The following CABIN1 variants were observed in gnomAD, a reference collection of about 807,000 sequenced individuals.
The protein encoded by CABIN1 is calcineurin binding protein 1.
A neutral mutation model predicts 227.7 loss-of-function variants in CABIN1; 133 were observed. The observed-to-expected ratio is 0.58, with a 90% CI of 0.51 to 0.67. The LOEUF (loss-of-function observed/expected upper bound fraction) is 0.67. CABIN1 is among the 30% of genes least tolerant of loss of function. The probability of loss-of-function intolerance (pLI) is 0.00; values close to 1 mark genes in which losing one functional copy is unlikely to be tolerated. For missense variants in CABIN1, 2,408 were observed against 2,852.5 expected, an observed-to-expected ratio of 0.84 and a Z score of 3.55; for synonymous variants, 1,086 against 1,155.1, an observed-to-expected ratio of 0.94 and a Z score of 1.21.
chr22:24,098,430 A>G, intron 26 of CABIN1: 1 of 756,942 alleles, frequency 1.3e-6, no homozygotes, highest in South Asian at 1.7e-5. Context: ...GGGAGGGGGC[A>G]GGCCAGGCTA....
intron 17 of CABIN1, 82 bp from the exon 18 acceptor site, chr22:24,072,272 G>T: frequency 1.3e-6 from 2 of 1,505,690 alleles, no homozygotes; most frequent in South Asian, 1.2e-5. Flanking sequence ...AGCTCCCCAA[G>T]AGGCCTCCTG....
intron 29 of CABIN1, chr22:24,155,923 T>C (rs2045759945): frequency 6.0e-6 from 3 of 501,114 alleles, no homozygotes; most frequent in South Asian, 2.6e-5. Flanking sequence ...TCAGTTGCGC[T>C]CCTGGGCCCG....
chr22:24,125,190 G>A (rs1163706223), intron 28 of CABIN1, among the ~76,000 whole-genome samples: 1 of 152,204 alleles, frequency 6.6e-6, no homozygotes. Context: ...GATGAGCCCA[G>A]GCCCAGGGTT....
rs771733402 is a variant in CABIN1 at position 24,167,155 on chromosome 22, C to G, written c.5524C>G (p.Arg1842Gly). The G allele has an allele frequency of 3.1e-6, 5 of 1,605,182 alleles. No individual in the cohort carries two copies. In the Admixed American group the frequency reaches 6.8e-5, roughly 22 times the overall value. The change falls in exon 32 of 37, where the codon CGG becomes GGG. Residue 1842 changes from arginine (R) to glycine (G), a missense_variant. Arg to Gly is a moderately radical substitution (Grantham distance 125, BLOSUM62 -2). Coordinates refer to ENST00000263119, the MANE Select transcript of CABIN1 (RefSeq NM_012295.4). Reference sequence around the variant, plus strand: ...GGGCCACCCGGAGGAGCCGCTCTCCCGGCTCAGCCGCAAGAGGAAGCTCCT... The same window carrying G: ...GGGCCACCCGGAGGAGCCGCTCTCCGGGCTCAGCCGCAAGAGGAAGCTCCT... Reference protein sequence around the residue: ...AGGHPEEPLSRLSRKRKLLED... With the variant: ...AGGHPEEPLSGLSRKRKLLED...
chr22:24,171,599 C>T, intron 33 of CABIN1, 114 bp from the exon 34 acceptor site: 2 of 1,265,568 alleles, frequency 1.6e-6, no homozygotes, highest in Non-Finnish European at 2.3e-6. Flanking sequence ...GCAGTGTTGG[C>T]AGCCCCAGGC....
At chr22:24,087,370 C>T in intron 22 of CABIN1, 82 bp from the exon 23 acceptor site, 1 of 1,574,132 alleles carries the variant, frequency 6.4e-7, no homozygotes, top group Non-Finnish European at 8.6e-7. Context: ...TGGGGTCCAT[C>T]TGCCTGTCCA....
intron 23 of CABIN1, among the ~76,000 whole-genome samples, chr22:24,088,146 GGTCTCT>G (rs1157386867): frequency 5.3e-5 from 8 of 152,280 alleles, no homozygotes; most frequent in Admixed American, 5.2e-4. Context: ...CTGGCCCTTA[GGTCTCT>G]GTTCAGTAGG....
At position 24,151,398 on chromosome 22, in the gene CABIN1, A is replaced by T. The variant is rs552182638; in HGVS notation, c.4747-13002A>T. The stretch of plus-strand genomic sequence containing the variant: ...CTTGCAGCCTAGCCAGAGGAGCCAG[A>T]TCCCCACAAGCCCACAAAAGCCATT... On this transcript the variant is annotated intron_variant, in intron 29 of 36. Coordinates refer to ENST00000263119, the MANE Select transcript of CABIN1 (RefSeq NM_012295.4). Among the ~76,000 whole-genome samples the T allele has an allele frequency of 3.5e-4, 54 of 152,204 alleles. 1 individual carries two copies. The South Asian group carries it at 0.011, about 32-fold the overall frequency.
intron 3 of CABIN1, 36 bp from the exon 4 acceptor site, chr22:24,038,312 A>T: frequency 6.5e-7 from 1 of 1,532,740 alleles, no homozygotes; most frequent in East Asian, 2.3e-5. Flanking sequence ...ACAGATCTTT[A>T]TGCTGTATGA....
rs182429997 is a variant in CABIN1, at chr22:24,019,170, G to A, written c.-75+7803G>A. Among the ~76,000 whole-genome samples the A allele has an allele frequency of 1.1e-3, 123 of 111,032 alleles. 1 individual carries two copies. Among genetic ancestry groups the A allele is most frequent in the African/African-American group, 3.7e-3 (105 of 28,650 alleles). 72.8% of individuals were successfully genotyped at this position (111,032 alleles called of 152,430 possible). A position where few individuals can be genotyped will look rare whatever the true frequency, so the allele number is the denominator to read the frequency against. ...TTTTGAGAAGGAGTCTCACTCTGTCGCCCAGGCTGGAGTGCAGTGGGGCAA... is the reference window on the plus strand; with the variant it reads ...TTTTGAGAAGGAGTCTCACTCTGTCACCCAGGCTGGAGTGCAGTGGGGCAA... On this transcript the variant is annotated intron_variant, in intron 1 of 36. Coordinates refer to ENST00000263119, the MANE Select transcript of CABIN1 (RefSeq NM_012295.4).
intron 19 of CABIN1, among the ~76,000 whole-genome samples, chr22:24,078,669 C>T (rs1415365447): frequency 6.6e-6 from 1 of 152,152 alleles, no homozygotes; most frequent in African/African-American, 2.4e-5. Context: ...TGCTATAGAG[C>T]CTTTATTAAT....
Position 24,171,912 on chromosome 22 carries a change from C to G in CABIN1, c.5957C>G (p.Ser1986Cys), listed in dbSNP as rs747492743. Residue 1986 changes from serine (S) to cysteine (C), a missense_variant, in exon 34 of 37, where the codon TCC becomes TGC. This residue lies in a region of CABIN1 where 714 missense variants were observed against 773.8 expected (regional missense o/e 0.92). Transcript: ENST00000263119. ...ACCTGCCCTCCGTCAGCATCAGCTTCCACCCTGGACCAGTCCAAGGACCCT... is the reference window on the plus strand; with the variant it reads ...ACCTGCCCTCCGTCAGCATCAGCTTGCACCCTGGACCAGTCCAAGGACCCT... ...IITCPPSASA[S>C]TLDQSKDPGP... 1 of 1,614,024 alleles carries G rather than the reference C, an allele frequency of 6.2e-7. No individual in the cohort carries two copies. The highest frequency in any genetic ancestry group is 8.5e-7 in the Non-Finnish European group (1 of 1,180,046).
chr22:24,064,187 G>A lies in CABIN1; in HGVS notation c.2037G>A (p.Glu679=), dbSNP rs1277037652. ...ATGACTCTGTGGTTTCCCTGGAGGA[G>A]GTAAGTGAGAATTTTCGTTTGTTTG... ...LHNDSVVSLE[E]IDKNLKSLER... is the part of the protein sequence containing the mutation. Residue 679 remains glutamate (E), a splice_region_variant and synonymous_variant, in exon 15 of 37, where the codon GAG becomes GAA. Coordinates refer to ENST00000263119, the MANE Select transcript of CABIN1 (RefSeq NM_012295.4). 4 of 1,614,036 alleles carry A rather than the reference G, an allele frequency of 2.5e-6. No homozygotes were observed. Among genetic ancestry groups the A allele is most frequent in the African/African-American group, 2.7e-5 (2 of 74,912 alleles).
rs754607451 is a variant in CABIN1, at chr22:24,041,273, G to A, written c.345G>A (p.Glu115=). The change falls in exon 5 of 37, where the codon GAG becomes GAA. Residue 115 remains glutamate (E), a splice_region_variant and synonymous_variant. Coordinates refer to ENST00000263119, the MANE Select transcript of CABIN1 (RefSeq NM_012295.4). ...AGACAGCCATGGAGTTCTACTTAGAGGTGTGGTTTTGGCAGTGCTTAGCTA... is the reference window on the plus strand; with the variant it reads ...AGACAGCCATGGAGTTCTACTTAGAAGTGTGGTTTTGGCAGTGCTTAGCTA... ...DLETAMEFYL[E]AVMLDSTDVN... is the part of the protein sequence containing the mutation. The A allele has an allele frequency of 6.2e-7, 1 of 1,614,222 alleles. No homozygotes were observed. The highest frequency in any genetic ancestry group is 8.5e-7 in the Non-Finnish European group (1 of 1,180,038).
intron 29 of CABIN1, among the ~76,000 whole-genome samples, chr22:24,143,816 T>C (rs766753396): frequency 1.3e-5 from 2 of 152,132 alleles, no homozygotes; most frequent in Non-Finnish European, 2.9e-5. Context: ...CCAAAGCCCT[T>C]TTCTACCCTC....
At chr22:24,030,521 AT>A (rs1365632866) in intron 1 of CABIN1, among the ~76,000 whole-genome samples, 5 of 152,228 alleles carry the variant, frequency 3.3e-5, no homozygotes, top group Non-Finnish European at 7.3e-5. Context: ...TTTTTAGATT[AT>A]GTTAAAGCCA....
intron 28 of CABIN1, among the ~76,000 whole-genome samples, chr22:24,119,944 C>T (rs1329696649): frequency 6.6e-6 from 1 of 152,054 alleles, no homozygotes; most frequent in Non-Finnish European, 1.5e-5. Context: ...CTCACAGTCT[C>T]AGGGATAGGC....
intron 19 of CABIN1, among the ~76,000 whole-genome samples, chr22:24,079,065 A>G (rs188190098): frequency 2.6e-5 from 4 of 152,288 alleles, no homozygotes; most frequent in South Asian, 4.1e-4. Context: ...ACAGGGTTCT[A>G]TTGTGTGAGT....
chr22:24,116,445 A>G (rs1388617474), intron 27 of CABIN1, among the ~76,000 whole-genome samples: 1 of 152,194 alleles, frequency 6.6e-6, no homozygotes, highest in Non-Finnish European at 1.5e-5. Context: ...CCCATGCACC[A>G]CATGCAGGAT....
Sources: gnomAD v4.1 joint callset for allele counts (sites outside exome capture counted in the v4.1 genomes callset) on GRCh38, gnomAD v4.1.1 for gene constraint, gnomAD v4.1.1 regional missense constraint, MANE v1.5 for transcripts, NCBI Gene and HGNC (gene_info 2026-07-23, HGNC 2026-07-21) for gene names.